Variants in DNAAF19 observed in about 807,000 individuals in gnomAD.
DNAAF19 encodes coiled-coil domain containing 103.
the DNAAF19 span, chr17:44,903,969 T>C: frequency 3.2e-6 from 5 of 1,549,278 alleles, no homozygotes; most frequent in Admixed American, 3.9e-5. Flanking sequence ...CTGGCCGACA[T>C]GAGCTTTGAG....
chr17:44,903,746 C>T, the DNAAF19 span: 51,177 of 1,459,688 alleles, frequency 0.035, 1,963 homozygotes, highest in South Asian at 0.15. Context: ...TAGAGGCTTC[C>T]GCTTAGCAGA....
chr17:44,902,302 C>A, the DNAAF19 span: 435,272 of 1,600,552 alleles, frequency 0.27, 59,590 homozygotes, highest in South Asian at 0.28. Flanking sequence ...GGCTCCCCTC[C>A]CTGTCACTGT....
chr17:44,905,197 C>T, the DNAAF19 span: 1 of 740,578 alleles, frequency 1.4e-6, no homozygotes, highest in Non-Finnish European at 2.2e-6. Flanking sequence ...CTGTTACAGC[C>T]TGCTCCCCAT....
chr17:44,902,784 G>A, the DNAAF19 span: 1 of 1,576,010 alleles, frequency 6.3e-7, no homozygotes, highest in Non-Finnish European at 8.6e-7. Flanking sequence ...AGAGGCTCCT[G>A]CAGGAGCTGC....
the DNAAF19 span, chr17:44,904,857 A>G: frequency 6.4e-7 from 1 of 1,550,482 alleles, no homozygotes; most frequent in Admixed American, 2.0e-5. Flanking sequence ...CGGGGCATCT[A>G]CTATTGCTGG....
chr17:44,903,615 A>T, the DNAAF19 span: 3 of 1,407,724 alleles, frequency 2.1e-6, no homozygotes, highest in Admixed American at 3.2e-5. Context: ...CCACCCTGAG[A>T]TCAGGTCTGG....
chr17:44,902,823 C>T, the DNAAF19 span: 1 of 1,531,798 alleles, frequency 6.5e-7, no homozygotes, highest in South Asian at 1.2e-5. Flanking sequence ...ACTGATGCGG[C>T]AAGCTACCCT....
the DNAAF19 span, among the ~76,000 whole-genome samples, chr17:44,900,220 C>T: frequency 1.3e-5 from 2 of 151,932 alleles, no homozygotes; most frequent in South Asian, 4.1e-4. Flanking sequence ...TGCTTGAACC[C>T]CGGAGGCAGA....
the DNAAF19 span, chr17:44,905,022 G>A: frequency 2.6e-6 from 4 of 1,550,076 alleles, no homozygotes; most frequent in South Asian, 2.4e-5. Flanking sequence ...ATTCACTTCT[G>A]TCGTTGCTGC....
At chr17:44,901,788 CAG>C in the DNAAF19 span, 1 of 1,040,478 alleles carries the variant, frequency 9.6e-7, no homozygotes, top group Non-Finnish European at 1.4e-6. Flanking sequence ...GTTAAACCAA[CAG>C]AGATAGGTTT....
At chr17:44,903,598 TC>T in the DNAAF19 span, 158 of 1,400,230 alleles carry the variant, frequency 1.1e-4, no homozygotes, top group Non-Finnish European at 1.2e-4. Context: ...AGAATGGCTT[TC>T]CCCCCCCACC....
chr17:44,904,597 C>G, the DNAAF19 span: 3 of 1,550,594 alleles, frequency 1.9e-6, no homozygotes, highest in Non-Finnish European at 1.7e-6. Flanking sequence ...TGCTGGCCAT[C>G]ATTAACTATG....
the DNAAF19 span, chr17:44,901,372 G>T: frequency 9.5e-7 from 1 of 1,051,964 alleles, no homozygotes; most frequent in Non-Finnish European, 1.4e-6. Context: ...CATGTGAGGT[G>T]CTTGAAAGCA....
the DNAAF19 span, chr17:44,904,134 G>A: frequency 1.9e-4 from 297 of 1,550,430 alleles, 2 homozygotes; most frequent in South Asian, 1.8e-3. Flanking sequence ...ATGCTGACCC[G>A]CTTCAGCATC....
chr17:44,902,335 C>G, the DNAAF19 span: 6 of 1,614,070 alleles, frequency 3.7e-6, no homozygotes, highest in Middle Eastern at 3.3e-4. Context: ...GGAAGAGCTC[C>G]TGACTCCCTT....
At chr17:44,902,912 C>A in the DNAAF19 span, 87 of 1,434,840 alleles carry the variant, frequency 6.1e-5, no homozygotes, top group Non-Finnish European at 7.9e-5. Context: ...AAGAAACCCA[C>A]ACCTGGTTCC....
At chr17:44,904,025 T>C in the DNAAF19 span, 1 of 1,550,650 alleles carries the variant, frequency 6.4e-7, no homozygotes, top group Middle Eastern at 1.7e-4. Flanking sequence ...TGTAGTCTGG[T>C]TCTACCAAAA....
chr17:44,905,159 G>T, the DNAAF19 span: 1 of 1,057,142 alleles, frequency 9.5e-7, no homozygotes. Context: ...CCTGGGTTGG[G>T]ACAGGTGGTA....
the DNAAF19 span, chr17:44,901,654 T>G: frequency 6.2e-7 from 1 of 1,614,074 alleles, no homozygotes; most frequent in Non-Finnish European, 8.5e-7. Context: ...ATCTCCCCGG[T>G]AGGTGAGGCC....
Sources: allele counts gnomAD v4.1 joint callset (sites outside exome capture counted in the v4.1 genomes callset), GRCh38; gene constraint gnomAD v4.1.1; transcripts MANE v1.5; gene names NCBI Gene and HGNC (gene_info 2026-07-23, HGNC 2026-07-21).